The following SCUBE3 variants were observed in gnomAD, a reference collection of about 807,000 sequenced individuals.
SCUBE3 encodes the protein signal peptide, CUB and EGF-like domain-containing protein 3.
SCUBE3 carries 33 observed loss-of-function variants against 116.8 expected under a neutral mutation model. That is an observed-to-expected ratio of 0.28 (90% CI 0.21 to 0.38). The LOEUF is 0.38. Among genes scored for constraint, SCUBE3 ranks in the 10% least tolerant of loss-of-function variants. The pLI is 1.00. For synonymous variants in SCUBE3, 418 were observed against 496.9 expected, an observed-to-expected ratio of 0.84 and a Z score of 2.11; for missense variants, 1,007 against 1,324.8, an observed-to-expected ratio of 0.76 and a Z score of 3.72.
chr6:35,231,226 G>A lies in SCUBE3; in HGVS notation c.335-499G>A, dbSNP rs1470969463. Among the ~76,000 whole-genome samples the A allele has an allele frequency of 2.0e-5, 3 of 152,104 alleles. No individual in the cohort carries two copies. The highest frequency in any genetic ancestry group is 7.2e-5 in the African/African-American group (3 of 41,390). On this transcript the variant is annotated intron_variant, in intron 3 of 21. Coordinates refer to ENST00000274938, the MANE Select transcript of SCUBE3 (RefSeq NM_152753.4). This position sits in a 1 kb window ranked among gnomAD's most constrained non-coding sequence, Gnocchi z 4.2. Reference sequence around the variant, plus strand: ...CTCCACAAGGAGGTGAGGCTCAGCTGCCTTTCCCCACCCTGCCCCTCCAAC... The same window carrying A: ...CTCCACAAGGAGGTGAGGCTCAGCTACCTTTCCCCACCCTGCCCCTCCAAC...
At chr6:35,237,447 C>A (rs1348615239) in intron 6 of SCUBE3, among the ~76,000 whole-genome samples, 2 of 152,162 alleles carry the variant, frequency 1.3e-5, no homozygotes, top group African/African-American at 4.8e-5. Context: ...AATCCACTTA[C>A]AATAAGATTG....
rs572088373 is a variant in SCUBE3 at position 35,243,960 on chromosome 6, C to T, written c.2072-3C>T. On this transcript the variant is annotated splice_region_variant and splice_polypyrimidine_tract_variant and intron_variant, in intron 16 of 21. Transcript: ENST00000274938. This position sits in a 1 kb window ranked among gnomAD's most constrained non-coding sequence, Gnocchi z 6.6. ...TCAGAGTTGGGCCCTTGATTCATTGCAGGTCAGTGCCCACCTGGCCAACAC... is the reference window on the plus strand; with the variant it reads ...TCAGAGTTGGGCCCTTGATTCATTGTAGGTCAGTGCCCACCTGGCCAACAC... 3 of 1,612,960 alleles carry T rather than the reference C, an allele frequency of 1.9e-6. No individual in the cohort carries two copies. Among genetic ancestry groups the T allele is most frequent in the Non-Finnish European group, 2.5e-6 (3 of 1,179,314 alleles).
At chr6:35,234,893 G>A (rs1416198090) in intron 6 of SCUBE3, among the ~76,000 whole-genome samples, 1 of 152,218 alleles carries the variant, frequency 6.6e-6, no homozygotes, top group African/African-American at 2.4e-5. Context: ...AAGGCCAAAT[G>A]AGGCAGAAAA....
At chr6:35,247,104 G>T (rs1482923461) in intron 21 of SCUBE3, among the ~76,000 whole-genome samples, 1 of 152,090 alleles carries the variant, frequency 6.6e-6, no homozygotes, top group African/African-American at 2.4e-5. Flanking sequence ...AGATGCCCTG[G>T]GTCGGTGAAT....
At chr6:35,225,528 T>C (rs1369859555) in intron 1 of SCUBE3, among the ~76,000 whole-genome samples, 1 of 152,208 alleles carries the variant, frequency 6.6e-6, no homozygotes, top group Non-Finnish European at 1.5e-5. Flanking sequence ...ACCATGCCTA[T>C]GGAGCCTGAG....
At position 35,243,898 on chromosome 6, in the gene SCUBE3, C is replaced by A; in HGVS notation, c.2072-65C>A. 6.4e-7 allele frequency: 1 copy of A among 1,554,302 alleles called. No homozygotes were observed. Among genetic ancestry groups the A allele is most frequent in the South Asian group, 1.2e-5 (1 of 86,028 alleles). On this transcript the variant is annotated intron_variant, in intron 16 of 21. Transcript: ENST00000274938. This position sits in a 1 kb window ranked among gnomAD's most constrained non-coding sequence, Gnocchi z 6.6. ...TTTGTATACCTTTGTCCCCTGAGAT[C>A]GGGTGACCCCATGGGGATGACTCAG... is the stretch of plus-strand genomic sequence containing the variant.
rs1033539215 is a variant in SCUBE3 at position 35,245,669 on chromosome 6, A to G, written c.2599+244A>G. ...CTAGAACTCCAATGGCGTTACATGT[A>G]TCACTTTCCTATCCTAGCATTTTTG... is the stretch of plus-strand genomic sequence containing the variant. On this transcript the variant is annotated intron_variant, in intron 19 of 21. Transcript: ENST00000274938. This position sits in a 1 kb window ranked among gnomAD's most constrained non-coding sequence, Gnocchi z 4.2. Among the ~76,000 whole-genome samples, 20 of 152,228 alleles carry G rather than the reference A, an allele frequency of 1.3e-4. No individual in the cohort carries two copies. The highest frequency in any genetic ancestry group is 4.1e-4 in the African/African-American group (17 of 41,446).
intron 1 of SCUBE3, chr6:35,218,119 C>T (rs1182487236): frequency 5.1e-6 from 5 of 984,890 alleles, no homozygotes; most frequent in Non-Finnish European, 6.0e-6. Flanking sequence ...TTTTTTGAAA[C>T]CTTCAGGAAT....
At chr6:35,242,839 C>A (rs1784134089) in intron 14 of SCUBE3, 59 bp downstream of exon 14, 1 of 1,588,422 alleles carries the variant, frequency 6.3e-7, no homozygotes, top group South Asian at 1.1e-5. Context: ...GGTGGGGAAA[C>A]CACAGGTCTC....
chr6:35,218,694 G>A (rs945971544), intron 1 of SCUBE3, among the ~76,000 whole-genome samples: 1 of 152,040 alleles, frequency 6.6e-6, no homozygotes, highest in Non-Finnish European at 1.5e-5. Flanking sequence ...GCGAAACAAC[G>A]GCCAACCCAG....
chr6:35,244,215 AC>A lies in SCUBE3; in HGVS notation c.2239+88del. 1.6e-6 allele frequency: 2 copies of A among 1,233,180 alleles called. No homozygotes were observed. The highest frequency in any genetic ancestry group is 2.3e-6 in the Non-Finnish European group (2 of 882,586). 76.4% of individuals were successfully genotyped at this position (1,233,180 alleles called of 1,614,324 possible). On this transcript the variant is annotated intron_variant, in intron 17 of 21. Coordinates refer to ENST00000274938, the MANE Select transcript of SCUBE3 (RefSeq NM_152753.4). This position sits in a 1 kb window ranked among gnomAD's most constrained non-coding sequence, Gnocchi z 4.3. ...CTCCAATTTCCCAGAGGGGACACTG[AC>A]CCACCATTTTCTCCAAACCAGTAAT...
At chr6:35,220,863 A>C (rs1378987338) in intron 1 of SCUBE3, 7 of 152,204 alleles carry the variant, frequency 4.6e-5, no homozygotes, top group Admixed American at 4.6e-4. Flanking sequence ...GGCTACCCTC[A>C]TCCTTGCATA....
At chr6:35,218,613 G>T (rs1783013000) in intron 1 of SCUBE3, among the ~76,000 whole-genome samples, 1 of 152,204 alleles carries the variant, frequency 6.6e-6, no homozygotes, top group Admixed American at 6.5e-5. Flanking sequence ...GCCCAGACCT[G>T]GGGACAGCTT....
At position 35,242,302 on chromosome 6, in the gene SCUBE3, G is replaced by C. The variant is rs1291562450; in HGVS notation, c.1516G>C (p.Gly506Arg). Residue 506 changes from glycine (G) to arginine (R), a missense_variant, in exon 13 of 22, where the codon GGC becomes CGC. Transcript: ENST00000274938. ...AAACAAAGGCAAAACAGAGGAGGCT[G>C]GCAGAATCACAGGGCCAGGTTTGGA... The part of the protein sequence containing the change: ...LRNKGKTEEA[G>R]RITGPGGAPC... 5 of 1,613,068 alleles carry C rather than the reference G, an allele frequency of 3.1e-6. No individual in the cohort carries two copies. The highest frequency in any genetic ancestry group is 4.2e-6 in the Non-Finnish European group (5 of 1,179,204).
rs200578249 is a variant in SCUBE3, at chr6:35,241,165, G to C, written c.1094G>C (p.Arg365Pro). The C allele has an allele frequency of 6.2e-6, 10 of 1,601,386 alleles. No individual in the cohort carries two copies. Among genetic ancestry groups the C allele is most frequent in the Non-Finnish European group, 8.5e-6 (10 of 1,169,790 alleles). ...GATGTGGATGAATGCAGCATCAACCGGGGAGGTTGCCGCTTTGGCTGCATC... is the reference window on the plus strand; with the variant it reads ...GATGTGGATGAATGCAGCATCAACCCGGGAGGTTGCCGCTTTGGCTGCATC... ...CGDVDECSIN[R>P]GGCRFGCINT... Residue 365 changes from arginine (R) to proline (P), a missense_variant, in exon 10 of 22, where the codon CGG (arginine) becomes CCG (proline). Coordinates refer to ENST00000274938, the MANE Select transcript of SCUBE3 (RefSeq NM_152753.4). This position sits in a 1 kb window ranked among gnomAD's most constrained non-coding sequence, Gnocchi z 4.1.
rs974036747 is a variant in SCUBE3, at chr6:35,240,063, A to G, written c.952+189A>G. 5.9e-5 allele frequency among the ~76,000 whole-genome samples: 9 copies of G among 152,238 alleles called. No homozygotes were observed. Among genetic ancestry groups the G allele is most frequent in the Non-Finnish European group, 1.2e-4 (8 of 68,040 alleles). On this transcript the variant is annotated intron_variant, in intron 8 of 21. Coordinates refer to ENST00000274938, the MANE Select transcript of SCUBE3 (RefSeq NM_152753.4). The surrounding 1 kb of genome is among the most constrained non-coding windows in gnomAD (Gnocchi z 4.6). The stretch of plus-strand genomic sequence containing the variant: ...GGACTAGCTCCATATCAAAGCATTC[A>G]GCCTGGCAAGGACTGAGGGATGGAT...
At chr6:35,229,092 A>G (rs965066512) in intron 3 of SCUBE3, among the ~76,000 whole-genome samples, 3 of 152,010 alleles carry the variant, frequency 2.0e-5, no homozygotes, top group Admixed American at 1.3e-4. Flanking sequence ...CAATCTCTGG[A>G]AATCTCATCT....
At position 35,239,808 on chromosome 6, in the gene SCUBE3, G is replaced by A; in HGVS notation, c.886G>A (p.Val296Met). The change falls in exon 8 of 22, where the codon GTG (valine) becomes ATG (methionine). Residue 296 changes from valine (V) to methionine (M), a missense_variant. This residue lies in a region of SCUBE3 where 214 missense variants were observed against 316.7 expected (regional missense o/e 0.68). Transcript: ENST00000274938. This position sits in a 1 kb window ranked among gnomAD's most constrained non-coding sequence, Gnocchi z 4.1. ...CTGTGACCATATTTGCCGCAACACA[G>A]TGGGCAGCTTCGAATGCAGTTGCAA... ...GGCDHICRNT[V>M]GSFECSCKKG... The A allele has an allele frequency of 6.2e-7, 1 of 1,611,558 alleles. No individual in the cohort carries two copies. Among genetic ancestry groups the A allele is most frequent in the Non-Finnish European group, 8.5e-7 (1 of 1,178,958 alleles).
Position 35,226,441 on chromosome 6 carries a change from C to T in SCUBE3, c.86-1139C>T, listed in dbSNP as rs191371606. Among the ~76,000 whole-genome samples, 180 of 148,900 alleles carry T rather than the reference C, an allele frequency of 1.2e-3. 1 individual carries two copies. The highest frequency in any genetic ancestry group is 2.3e-3 in the Non-Finnish European group (153 of 67,588). Reference sequence around the variant, plus strand: ...CTATTTCAGTTCAGATTTAAGGGCACCATAATATTGCCTCAGAAGTTGGAC... The same window carrying T: ...CTATTTCAGTTCAGATTTAAGGGCATCATAATATTGCCTCAGAAGTTGGAC... On this transcript the variant is annotated intron_variant, in intron 1 of 21. Coordinates refer to ENST00000274938, the MANE Select transcript of SCUBE3 (RefSeq NM_152753.4).
Sources: allele counts gnomAD v4.1 joint callset (sites outside exome capture counted in the v4.1 genomes callset), GRCh38; gene constraint gnomAD v4.1.1; regional missense constraint gnomAD v4.1.1; non-coding constraint Gnocchi (gnomAD v3.1); transcripts MANE v1.5; gene names NCBI Gene and HGNC (gene_info 2026-07-23, HGNC 2026-07-21).